Variants in LRP1B observed in about 807,000 individuals in gnomAD.
LRP1B encodes low-density lipoprotein receptor-related protein 1B.
Under a neutral mutation model 556.6 loss-of-function variants are expected in LRP1B, and 217 were observed. The observed-to-expected ratio is 0.39, with a 90% CI of 0.35 to 0.44. The LOEUF (loss-of-function observed/expected upper bound fraction) is 0.44, where lower values mean the gene tolerates loss of function less well. LRP1B is among the 20% of genes least tolerant of loss of function. The probability of loss-of-function intolerance (pLI) is 1.00; values close to 1 mark genes in which losing one functional copy is unlikely to be tolerated. For synonymous variants in LRP1B, 2,047 were observed against 1,865.8 expected (o/e 1.10, Z -2.50); for missense variants, 5,053 against 5,620.8 (o/e 0.90, Z 3.23).
chr2:141,864,068 G>T (rs1698331280), intron 1 of LRP1B, among the ~76,000 whole-genome samples: 1 of 151,932 alleles, frequency 6.6e-6, no homozygotes, highest in Non-Finnish European at 1.5e-5. Context: ...TTGATGCTTT[G>T]GTTAAACAGC....
At chr2:141,786,476 T>C (rs1296986766) in intron 2 of LRP1B, among the ~76,000 whole-genome samples, 1 of 152,008 alleles carries the variant, frequency 6.6e-6, no homozygotes, top group Non-Finnish European at 1.5e-5. Context: ...TTTTTGTATA[T>C]TGTTCTTGTA....
At chr2:141,026,700 C>G (rs1218313595) in intron 11 of LRP1B, among the ~76,000 whole-genome samples, 1 of 152,034 alleles carries the variant, frequency 6.6e-6, no homozygotes, top group African/African-American at 2.4e-5. Context: ...TATCTAATAA[C>G]ATCTTTCCAT....
chr2:141,454,661 C>T (rs1681561915), intron 3 of LRP1B, among the ~76,000 whole-genome samples: 2 of 77,860 alleles, frequency 2.6e-5, no homozygotes, highest in Non-Finnish European at 5.2e-5. Context: ...GTCAGGAAAG[C>T]TAGTTGACAT....
chr2:141,723,085 A>G (rs1024713742), intron 2 of LRP1B, among the ~76,000 whole-genome samples: 7 of 152,062 alleles, frequency 4.6e-5, no homozygotes, highest in Non-Finnish European at 1.0e-4. Flanking sequence ...GAGATTTCAC[A>G]TATTTACAGT....
chr2:140,755,971 C>T (rs543078800), intron 35 of LRP1B, among the ~76,000 whole-genome samples: 1 of 151,834 alleles, frequency 6.6e-6, no homozygotes, highest in African/African-American at 2.4e-5. Flanking sequence ...AAGGGATCCA[C>T]TAAAAATCTA....
At chr2:141,502,853 G>A (rs1472851188) in intron 2 of LRP1B, among the ~76,000 whole-genome samples, 4 of 66,146 alleles carry the variant, frequency 6.0e-5, no homozygotes, top group Non-Finnish European at 1.4e-4. Context: ...GGGAGACCCC[G>A]TCTCAAAAAA....
intron 2 of LRP1B, among the ~76,000 whole-genome samples, chr2:141,518,051 T>C (rs553659052): frequency 6.6e-6 from 1 of 152,112 alleles, no homozygotes; most frequent in South Asian, 2.1e-4. Context: ...TTTACAAAAC[T>C]GTGGGAAAGG....
chr2:141,561,349 TAC>T (rs1254861306), intron 2 of LRP1B, among the ~76,000 whole-genome samples: 1 of 151,834 alleles, frequency 6.6e-6, no homozygotes, highest in Non-Finnish European at 1.5e-5. Flanking sequence ...AGATTAATAT[TAC>T]AGAGAAAGGT....
At chr2:140,956,106 A>T (rs2105308542) in intron 18 of LRP1B, among the ~76,000 whole-genome samples, 1 of 151,860 alleles carries the variant, frequency 6.6e-6, no homozygotes, top group Non-Finnish European at 1.5e-5. Flanking sequence ...AAAGACAATA[A>T]TAAACACATT....
At chr2:140,654,798 T>C (rs1363916620) in intron 41 of LRP1B, among the ~76,000 whole-genome samples, 3 of 152,204 alleles carry the variant, frequency 2.0e-5, no homozygotes, top group Admixed American at 6.5e-5. Context: ...CTGAAACTTA[T>C]CACAAAGGGT....
intron 29 of LRP1B, among the ~76,000 whole-genome samples, chr2:140,844,130 C>T (rs1468565952): frequency 1.3e-5 from 2 of 151,642 alleles, no homozygotes; most frequent in South Asian, 2.1e-4. Flanking sequence ...GGCAAGATCT[C>T]GCCTCACCAC....
chr2:140,253,571 G>A (rs1050496392), intron 86 of LRP1B, among the ~76,000 whole-genome samples: 8 of 151,440 alleles, frequency 5.3e-5, no homozygotes, highest in African/African-American at 1.7e-4. Flanking sequence ...CAGTCCACTT[G>A]AGTAGAAGTG....
chr2:141,792,430 T>C (rs13385638), intron 2 of LRP1B, among the ~76,000 whole-genome samples: 8,367 of 152,084 alleles, frequency 0.055, 250 homozygotes, highest in Middle Eastern at 0.085. Context: ...CCTGCATTTA[T>C]GTTAATATAT....
At chr2:142,073,117 T>A (rs187868206) in intron 1 of LRP1B, among the ~76,000 whole-genome samples, 1 of 152,128 alleles carries the variant, frequency 6.6e-6, no homozygotes, top group East Asian at 1.9e-4. Context: ...ACTATTTCTA[T>A]TATTAGTCTA....
intron 3 of LRP1B, among the ~76,000 whole-genome samples, chr2:141,269,639 C>A (rs967743808): frequency 6.6e-6 from 1 of 152,048 alleles, no homozygotes; most frequent in African/African-American, 2.4e-5. Flanking sequence ...AGATAATAAA[C>A]AATTAAATAT....
chr2:141,474,557 GA>G (rs532031216), intron 3 of LRP1B, among the ~76,000 whole-genome samples: 1 of 152,102 alleles, frequency 6.6e-6, no homozygotes, highest in African/African-American at 2.4e-5. Context: ...AGTGGATTAA[GA>G]AAAAATGCAA....
chr2:141,329,386 CA>C (rs3038417), intron 3 of LRP1B, among the ~76,000 whole-genome samples: 161 of 111,660 alleles, frequency 1.4e-3, no homozygotes, highest in Middle Eastern at 0.012. Context: ...AAAACTCCGT[CA>C]AAAAAAAAAA....
intron 2 of LRP1B, among the ~76,000 whole-genome samples, chr2:141,773,966 C>A (rs1694979897): frequency 6.6e-6 from 1 of 152,154 alleles, no homozygotes; most frequent in African/African-American, 2.4e-5. Flanking sequence ...ATGCCTTTTG[C>A]TTTTCTCAAA....
intron 71 of LRP1B, among the ~76,000 whole-genome samples, chr2:140,365,132 A>G (rs1573850201): frequency 6.6e-6 from 1 of 151,578 alleles, no homozygotes. Flanking sequence ...TTTAATTGTA[A>G]TTATTTAAAA....
Sources: allele counts gnomAD v4.1 joint callset (sites outside exome capture counted in the v4.1 genomes callset), GRCh38; gene constraint gnomAD v4.1.1; transcripts MANE v1.5; gene names NCBI Gene and HGNC (gene_info 2026-07-23, HGNC 2026-07-21).